The following GLIPR1L1 variants were observed in gnomAD, a reference collection of about 807,000 sequenced individuals.
GLIPR1L1 encodes the protein GLIPR1-like protein 1.
Under a neutral mutation model 29.9 loss-of-function variants are expected in GLIPR1L1, and 26 were observed. That is an observed-to-expected ratio of 0.87 (90% CI 0.64 to 1.21). GLIPR1L1 has a LOEUF of 1.21. Ranked by LOEUF, GLIPR1L1 falls within the 50% of genes most tolerant of loss-of-function variation. The pLI, the probability that GLIPR1L1 is intolerant of heterozygous loss-of-function variation, is 0.00. For missense variants in GLIPR1L1, 305 were observed against 290.3 expected (o/e 1.05, Z -0.37); for synonymous variants, 77 against 97.5 (o/e 0.79, Z 1.24).
chr12:75,367,265 G>A (rs1409982377), intron 4 of GLIPR1L1, among the ~76,000 whole-genome samples: 1 of 93,292 alleles, frequency 1.1e-5, no homozygotes, highest in Non-Finnish European at 2.0e-5. Context: ...AACTTCCTAG[G>A]AGGAAAAAAA....
chr12:75,359,416 T>C (rs2043412347), intron 3 of GLIPR1L1, among the ~76,000 whole-genome samples: 1 of 119,028 alleles, frequency 8.4e-6, no homozygotes, highest in Admixed American at 1.1e-4. Context: ...TTCAAGACAA[T>C]CCCAGTAAAA....
chr12:75,363,106 A>T lies in GLIPR1L1; in HGVS notation c.526A>T (p.Asn176Tyr). 1 of 1,539,440 alleles carries T rather than the reference A, an allele frequency of 6.5e-7. No homozygotes were observed. The highest frequency in any genetic ancestry group is 8.7e-7 in the Non-Finnish European group (1 of 1,144,984). Reference protein sequence around the residue: ...IFVCNYGPAGNFANMPPYVRG... With the variant: ...IFVCNYGPAGYFANMPPYVRG... ...CAATGTTTCTCTTTTTTACAGAGGAAATTTTGCAAATATGCCTCCTTACGT... is the reference window on the plus strand; with the variant it reads ...CAATGTTTCTCTTTTTTACAGAGGATATTTTGCAAATATGCCTCCTTACGT... Residue 176 changes from asparagine to tyrosine, a missense_variant, in exon 4 of 6, where the codon AAT becomes TAT. Asn to Tyr is a moderately radical substitution (Grantham distance 143). Coordinates refer to ENST00000378695, the MANE Select transcript of GLIPR1L1 (RefSeq NM_001304964.2).
intron 1 of GLIPR1L1, among the ~76,000 whole-genome samples, chr12:75,343,154 A>G (rs370566561): frequency 3.9e-5 from 6 of 151,928 alleles, no homozygotes; most frequent in Non-Finnish European, 8.8e-5. Context: ...ATACTACCTA[A>G]CTTCTTGTAC....
intron 3 of GLIPR1L1, among the ~76,000 whole-genome samples, chr12:75,349,882 G>C (rs566575492): frequency 4.4e-4 from 67 of 152,146 alleles, no homozygotes; most frequent in Non-Finnish European, 9.3e-4. Context: ...TATCCAAAAA[G>C]ATAAAAAGTG....
At chr12:75,360,994 C>G (rs534164337) in intron 3 of GLIPR1L1, 2 of 152,098 alleles carry the variant, frequency 1.3e-5, no homozygotes, top group Non-Finnish European at 2.9e-5. Context: ...GTCTCACAAC[C>G]AGGAAGAATT....
chr12:75,354,675 A>G (rs2043035890), intron 3 of GLIPR1L1, among the ~76,000 whole-genome samples: 1 of 152,226 alleles, frequency 6.6e-6, no homozygotes, highest in Admixed American at 6.5e-5. Flanking sequence ...TAGCCAAGAC[A>G]TCCTAAGCAG....
chr12:75,337,877 A>G (rs1398797156), intron 1 of GLIPR1L1, among the ~76,000 whole-genome samples: 1 of 152,056 alleles, frequency 6.6e-6, no homozygotes, highest in African/African-American at 2.4e-5. Flanking sequence ...CCGGGGTTAG[A>G]GATTGACTTT....
At chr12:75,367,030 T>C in intron 4 of GLIPR1L1, 1 of 701,062 alleles carries the variant, frequency 1.4e-6, no homozygotes, top group Non-Finnish European at 2.6e-6. Context: ...CTCTCATTTA[T>C]CTCTAAAAAT....
At chr12:75,359,357 C>CTTTTT (rs61616225) in intron 3 of GLIPR1L1, among the ~76,000 whole-genome samples, 514 of 28,628 alleles carry the variant, frequency 0.018, 33 homozygotes, top group Non-Finnish European at 0.022. Context: ...GCATTGTTGT[C>CTTTTT]TTTTTTTTTT....
chr12:75,362,908 C>T (rs1011156237), intron 3 of GLIPR1L1, among the ~76,000 whole-genome samples, 194 bp from the exon 4 acceptor site: 5 of 152,052 alleles, frequency 3.3e-5, no homozygotes, highest in East Asian at 1.9e-4. Flanking sequence ...AGAACTTCCA[C>T]GTGATTCATC....
intron 3 of GLIPR1L1, among the ~76,000 whole-genome samples, chr12:75,353,115 A>G (rs1403875728): frequency 1.3e-5 from 2 of 152,170 alleles, no homozygotes; most frequent in African/African-American, 4.8e-5. Flanking sequence ...CAAACCCCAA[A>G]GCTAGCAGAA....
chr12:75,363,182 A>T lies in GLIPR1L1; in HGVS notation c.602A>T (p.Asn201Ile). The change falls in exon 4 of 6, where the codon AAC becomes ATC. Residue 201 changes from asparagine to isoleucine, a missense_variant. Asn to Ile is a moderately radical substitution (Grantham distance 149). Transcript: ENST00000378695. ...LCSKEEKCVKNLCRTPQLIIP... is the reference protein window; with the variant it reads ...LCSKEEKCVKILCRTPQLIIP... ...TCAAAAGAAGAGAAATGTGTAAAGAACCTCTGCAGTAAGCAAAAATATATA... is the reference window on the plus strand; with the variant it reads ...TCAAAAGAAGAGAAATGTGTAAAGATCCTCTGCAGTAAGCAAAAATATATA... 6.8e-7 allele frequency: 1 copy of T among 1,467,094 alleles called. No individual in the cohort carries two copies. Among genetic ancestry groups the T allele is most frequent in the Non-Finnish European group, 9.1e-7 (1 of 1,100,162 alleles). The allele number at this position is 1,467,094 out of a possible 1,614,324, so 90.9% of individuals were successfully genotyped here. A position where few individuals can be genotyped will look rare whatever the true frequency, so the allele number is the denominator to read the frequency against.
intron 3 of GLIPR1L1, among the ~76,000 whole-genome samples, chr12:75,359,355 G>GTTTTTTTTTTTTTT (rs1463566931): frequency 4.3e-5 from 2 of 46,432 alleles, no homozygotes; most frequent in Non-Finnish European, 8.5e-5. Flanking sequence ...CAGCATTGTT[G>GTTTTTTTTTTTTTT]TCTTTTTTTT....
At chr12:75,341,798 G>C (rs2042139937) in intron 1 of GLIPR1L1, among the ~76,000 whole-genome samples, 1 of 134,428 alleles carries the variant, frequency 7.4e-6, no homozygotes, top group South Asian at 2.3e-4. Flanking sequence ...CACCCAGACT[G>C]GAGGGCAATG....
intron 3 of GLIPR1L1, among the ~76,000 whole-genome samples, chr12:75,356,153 AT>A (rs970463629): frequency 4.6e-5 from 7 of 152,130 alleles, no homozygotes; most frequent in African/African-American, 1.7e-4. Context: ...CAAAAATATA[AT>A]TTAAAAAAAG....
intron 3 of GLIPR1L1, among the ~76,000 whole-genome samples, chr12:75,350,030 GT>G (rs2042702264): frequency 6.6e-6 from 1 of 152,262 alleles, no homozygotes; most frequent in South Asian, 2.1e-4. Context: ...TGTGGCTCCA[GT>G]TGGCCATTTT....
Position 75,347,613 on chromosome 12 carries a change from T to C in GLIPR1L1, c.421-9T>C, listed in dbSNP as rs1033372635. ...CCATATTTTATCTTGACATTCCTTT[T>C]CTTTATAGTTAGTTTGGGCCAATTC... is the stretch of plus-strand genomic sequence containing the variant. On this transcript the variant is annotated splice_polypyrimidine_tract_variant and intron_variant, in intron 2 of 5. Transcript: ENST00000378695. The C allele has an allele frequency of 6.3e-7, 1 of 1,580,188 alleles. No individual in the cohort carries two copies. The highest frequency in any genetic ancestry group is 1.3e-5 in the African/African-American group (1 of 74,280).
chr12:75,350,318 TGAG>T, intron 3 of GLIPR1L1, among the ~76,000 whole-genome samples: 1 of 152,332 alleles, frequency 6.6e-6, no homozygotes, highest in South Asian at 2.1e-4. Context: ...TGGCAAGCTC[TGAG>T]GAGTCTGGGT....
intron 1 of GLIPR1L1, among the ~76,000 whole-genome samples, chr12:75,338,341 C>T (rs1335166478): frequency 6.6e-6 from 1 of 152,052 alleles, no homozygotes; most frequent in Non-Finnish European, 1.5e-5. Flanking sequence ...TAACAGAAAA[C>T]TCCCCAGAAA....
Sources: gnomAD v4.1 joint callset for allele counts (sites outside exome capture counted in the v4.1 genomes callset) on GRCh38, gnomAD v4.1.1 for gene constraint, MANE v1.5 for transcripts, NCBI Gene and HGNC (gene_info 2026-07-23, HGNC 2026-07-21) for gene names.